TBC1D16: variants seen among roughly 807,000 people sequenced by gnomAD.
TBC1D16 encodes CTD-2529O21.1.
A neutral mutation model predicts 74.7 loss-of-function variants in TBC1D16; 58 were observed. The observed-to-expected ratio is 0.78, with a 90% confidence interval of 0.63 to 0.97. TBC1D16 has a LOEUF of 0.97. TBC1D16 is among the 50% of genes least tolerant of loss of function. The pLI is 0.00. For missense variants in TBC1D16, 1,014 were observed against 1,079.5 expected, an observed-to-expected ratio of 0.94 and a Z score of 0.85; for synonymous variants, 493 against 474.7, an observed-to-expected ratio of 1.04 and a Z score of -0.50.
chr17:79,947,920 C>T, intron 8 of TBC1D16, 89 bp from the exon 9 acceptor site: 1 of 1,120,680 alleles, frequency 8.9e-7, no homozygotes, highest in East Asian at 2.6e-5. Context: ...GTGGACCCTG[C>T]CTTCCCTCGC....
chr17:80,004,485 T>TA (rs985531113), intron 3 of TBC1D16, among the ~76,000 whole-genome samples: 9 of 151,958 alleles, frequency 5.9e-5, no homozygotes, highest in South Asian at 4.2e-4. Context: ...CCTCCTCATA[T>TA]AAAAAAAAGT....
At chr17:79,991,259 C>T (rs2035047548) in intron 3 of TBC1D16, among the ~76,000 whole-genome samples, 1 of 152,244 alleles carries the variant, frequency 6.6e-6, no homozygotes, top group Non-Finnish European at 1.5e-5. Context: ...CTGCATCTGG[C>T]TGTGTCAGGC....
chr17:80,015,189 G>C (rs1431508962), intron 1 of TBC1D16, among the ~76,000 whole-genome samples: 1 of 152,152 alleles, frequency 6.6e-6, no homozygotes, highest in Admixed American at 6.5e-5. Context: ...AAGCACTTTG[G>C]GGGGCCGAGG....
At chr17:79,972,086 G>A (rs2034133572) in intron 3 of TBC1D16, among the ~76,000 whole-genome samples, 1 of 152,244 alleles carries the variant, frequency 6.6e-6, no homozygotes. Flanking sequence ...GGCTGAAGCA[G>A]CCCAGTGTCC....
At chr17:80,028,130 T>C (rs2036648193) in intron 1 of TBC1D16, among the ~76,000 whole-genome samples, 1 of 151,722 alleles carries the variant, frequency 6.6e-6, no homozygotes, top group Admixed American at 6.6e-5. Context: ...TTTTTGTTGA[T>C]GGAAAGGATA....
rs986386868 is a variant in TBC1D16 at position 79,983,101 on chromosome 17, G to A, written c.779+27059C>T. ...GTTCATCAAGGACAAGCGGGAAGCC[G>A]GGAACAGCTCCATGTCCATGGAAGG... On this transcript the variant is annotated intron_variant, in intron 3 of 11. Transcript: ENST00000310924. The surrounding 1 kb of genome is among the most constrained non-coding windows in gnomAD (Gnocchi z 5.6). Among the ~76,000 whole-genome samples, 3 of 152,208 alleles carry A rather than the reference G, an allele frequency of 2.0e-5. No homozygotes were observed. The highest frequency in any genetic ancestry group is 4.4e-5 in the Non-Finnish European group (3 of 68,038).
intron 3 of TBC1D16, among the ~76,000 whole-genome samples, chr17:79,984,347 T>C (rs1286903104): frequency 6.6e-6 from 1 of 152,144 alleles, no homozygotes; most frequent in Non-Finnish European, 1.5e-5. Context: ...GTGAATTTTA[T>C]ATACAGCCTG....
intron 1 of TBC1D16, among the ~76,000 whole-genome samples, chr17:80,020,420 C>T (rs1026610572): frequency 2.7e-5 from 4 of 149,122 alleles, no homozygotes; most frequent in Non-Finnish European, 5.9e-5. Flanking sequence ...CCTGTCTCTA[C>T]TAAAAAATAC....
intron 3 of TBC1D16, among the ~76,000 whole-genome samples, chr17:79,959,600 A>G (rs12939128): frequency 0.043 from 6,570 of 152,358 alleles, 171 homozygotes; most frequent in Middle Eastern, 0.051. Context: ...AAAAGTGCAA[A>G]GACAATTCAG....
rs746450905 is a variant in TBC1D16 at position 79,960,779 on chromosome 17, CAAAAAAAA to C, written c.780-7969_780-7962del. 5.2e-3 allele frequency among the ~76,000 whole-genome samples: 177 copies of C among 33,942 alleles called. 4 individuals are homozygous for C. The highest frequency in any genetic ancestry group is 0.012 in the African/African-American group (112 of 9,544). 22.3% of individuals were successfully genotyped at this position (33,942 alleles called of 152,430 possible). Reference sequence around the variant, plus strand: ...CAAAAAAACCCAAAAAACAAAAACCCAAAAAAAAAAAAAAAAAAAAAAAAAAAAAACGA... The same window carrying C: ...CAAAAAAACCCAAAAAACAAAAACCCAAAAAAAAAAAAAAAAAAAAAACGA... On this transcript the variant is annotated intron_variant, in intron 3 of 11. Coordinates refer to ENST00000310924, the MANE Select transcript of TBC1D16 (RefSeq NM_019020.4).
chr17:79,953,053 T>A (rs2033158898), intron 3 of TBC1D16: 1 of 399,772 alleles, frequency 2.5e-6, no homozygotes, highest in Non-Finnish European at 4.4e-6. Context: ...TCCATTCCAC[T>A]TCAATAGAGG....
Position 80,008,811 on chromosome 17 carries a change from T to C in TBC1D16, c.779+1349A>G, listed in dbSNP as rs767453611. Among the ~76,000 whole-genome samples, 5 of 152,198 alleles carry C rather than the reference T, an allele frequency of 3.3e-5. No individual in the cohort carries two copies. Among genetic ancestry groups the C allele is most frequent in the Non-Finnish European group, 5.9e-5 (4 of 68,024 alleles). On this transcript the variant is annotated intron_variant, in intron 3 of 11. Coordinates refer to ENST00000310924, the MANE Select transcript of TBC1D16 (RefSeq NM_019020.4). The surrounding 1 kb of genome is among the most constrained non-coding windows in gnomAD (Gnocchi z 4.5). ...CTGGGGCTCTAATGGACTGCATCTT[T>C]ACTGGAGGGATAAAATCAGGGAAGA...
At position 79,980,374 on chromosome 17, in the gene TBC1D16, C is replaced by G. The variant is rs141937343; in HGVS notation, c.780-27556G>C. Among the ~76,000 whole-genome samples the G allele has an allele frequency of 6.6e-6, 1 of 152,130 alleles. No homozygotes were observed. Among genetic ancestry groups the G allele is most frequent in the African/African-American group, 2.4e-5 (1 of 41,406 alleles). On this transcript the variant is annotated intron_variant, in intron 3 of 11. Transcript: ENST00000310924. This position sits in a 1 kb window ranked among gnomAD's most constrained non-coding sequence, Gnocchi z 7.0. ...GGTCAGCAAATTCCGCCTAACAAGC[C>G]GGAGCTTTCCTTCCTTCCCGGAGGA...
In TBC1D16 at chr17:79,985,552, C is replaced by T. The variant is rs1303335369; in HGVS notation, c.779+24608G>A. On this transcript the variant is annotated intron_variant, in intron 3 of 11. Transcript: ENST00000310924. This position sits in a 1 kb window ranked among gnomAD's most constrained non-coding sequence, Gnocchi z 4.9. ...TCTCCCAGTCCAGTCTCAGCGGGCACTGGCCTGGCACTCACGCTCGGGGTG... is the reference window on the plus strand; with the variant it reads ...TCTCCCAGTCCAGTCTCAGCGGGCATTGGCCTGGCACTCACGCTCGGGGTG... 6.6e-6 allele frequency among the ~76,000 whole-genome samples: 1 copy of T among 152,238 alleles called. No individual in the cohort carries two copies. The highest frequency in any genetic ancestry group is 1.5e-5 in the Non-Finnish European group (1 of 68,042).
chr17:80,024,927 G>C (rs201382371), intron 1 of TBC1D16, among the ~76,000 whole-genome samples: 2 of 137,696 alleles, frequency 1.5e-5, no homozygotes, highest in African/African-American at 3.0e-5. Context: ...ACACACCATA[G>C]ACACACACAC....
intron 3 of TBC1D16, among the ~76,000 whole-genome samples, chr17:79,997,708 T>C (rs1444033838): frequency 1.3e-5 from 2 of 152,246 alleles, no homozygotes; most frequent in African/African-American, 4.8e-5. Context: ...TGAGCCAATA[T>C]TGATACATTA....
In TBC1D16 at chr17:79,950,254, T is replaced by A. The variant is rs1190666340; in HGVS notation, c.1257+157A>T. Among the ~76,000 whole-genome samples the A allele has an allele frequency of 6.6e-6, 1 of 152,012 alleles. No homozygotes were observed. Among genetic ancestry groups the A allele is most frequent in the African/African-American group, 2.4e-5 (1 of 41,376 alleles). On this transcript the variant is annotated intron_variant, in intron 6 of 11. Coordinates refer to ENST00000310924, the MANE Select transcript of TBC1D16 (RefSeq NM_019020.4). This position sits in a 1 kb window ranked among gnomAD's most constrained non-coding sequence, Gnocchi z 4.6. ...AGCAGCTTTGATTGCTTTATCGGTGTGTTCACAGAGAGCCTCACACAAGAA... is the reference window on the plus strand; with the variant it reads ...AGCAGCTTTGATTGCTTTATCGGTGAGTTCACAGAGAGCCTCACACAAGAA...
At chr17:80,006,058 C>T (rs1356075789) in intron 3 of TBC1D16, among the ~76,000 whole-genome samples, 1 of 152,114 alleles carries the variant, frequency 6.6e-6, no homozygotes, top group South Asian at 2.1e-4. Flanking sequence ...TATTAATAGA[C>T]GCCCCACCGC....
In TBC1D16 at chr17:80,007,758, A is replaced by C. The variant is rs565307366; in HGVS notation, c.779+2402T>G. 6.6e-6 allele frequency among the ~76,000 whole-genome samples: 1 copy of C among 152,026 alleles called. No individual in the cohort carries two copies. Among genetic ancestry groups the C allele is most frequent in the Non-Finnish European group, 1.5e-5 (1 of 68,010 alleles). On this transcript the variant is annotated intron_variant, in intron 3 of 11. Transcript: ENST00000310924. This position sits in a 1 kb window ranked among gnomAD's most constrained non-coding sequence, Gnocchi z 4.5. The stretch of plus-strand genomic sequence containing the variant: ...CTAGCCAAAGGCATGAGGCAGAGAG[A>C]GCCCCACAAGATCTAGAGGCAGAGA...
Sources: allele counts gnomAD v4.1 joint callset (sites outside exome capture counted in the v4.1 genomes callset), GRCh38; gene constraint gnomAD v4.1.1; non-coding constraint Gnocchi (gnomAD v3.1); transcripts MANE v1.5; gene names NCBI Gene and HGNC (gene_info 2026-07-23, HGNC 2026-07-21).